FHIT: variants seen among roughly 807,000 people sequenced by gnomAD.
FHIT encodes the protein fragile histidine triad diadenosine triphosphatase.
In FHIT, 19 loss-of-function variants were observed where a neutral mutation model predicts 17.9. That is an observed-to-expected ratio of 1.06 (90% CI 0.74 to 1.56). The LOEUF (loss-of-function observed/expected upper bound fraction) is 1.56, where lower values mean the gene tolerates loss of function less well. Ranked by LOEUF, FHIT falls within the 40% of genes most tolerant of loss-of-function variation. The pLI is 0.00. For synonymous variants in FHIT, 81 were observed against 69.7 expected (o/e 1.16, Z -0.81); for missense variants, 248 against 189.2 (o/e 1.31, Z -1.82).
intron 8 of FHIT, among the ~76,000 whole-genome samples, chr3:59,861,597 G>T (rs770781158): frequency 6.6e-6 from 1 of 152,138 alleles, no homozygotes; most frequent in South Asian, 2.1e-4. Flanking sequence ...CACAGATAAG[G>T]TCTCTGCACT....
chr3:59,751,511 C>T, intron 9 of FHIT: 1 of 215,128 alleles, frequency 4.6e-6, no homozygotes, highest in Non-Finnish European at 9.4e-6. Context: ...CCAGATAGAT[C>T]TAGGCATGAG....
At chr3:60,269,862 T>G (rs213338) in intron 5 of FHIT, among the ~76,000 whole-genome samples, 145,121 of 152,268 alleles carry the variant, frequency 0.95, 69,179 homozygotes, top group East Asian at 1. Flanking sequence ...GCCATTTCGG[T>G]TCATAAAAAA....
intron 5 of FHIT, among the ~76,000 whole-genome samples, chr3:60,524,502 G>C (rs1039775699): frequency 6.6e-6 from 1 of 152,172 alleles, no homozygotes; most frequent in Non-Finnish European, 1.5e-5. Context: ...AAGGAATCTA[G>C]TGTGGTTGGA....
intron 5 of FHIT, among the ~76,000 whole-genome samples, chr3:60,268,067 C>T (rs904861345): frequency 5.9e-5 from 9 of 152,092 alleles, no homozygotes; most frequent in Non-Finnish European, 1.3e-4. Context: ...TAAATGCAAA[C>T]TGTGGATATC....
At chr3:60,291,388 T>C (rs752413816) in intron 5 of FHIT, among the ~76,000 whole-genome samples, 2 of 152,094 alleles carry the variant, frequency 1.3e-5, no homozygotes, top group African/African-American at 4.8e-5. Flanking sequence ...TAATCTTTTA[T>C]TATGCTGTCA....
intron 3 of FHIT, among the ~76,000 whole-genome samples, chr3:60,873,693 G>A (rs1704519022): frequency 6.6e-6 from 1 of 152,172 alleles, no homozygotes; most frequent in Admixed American, 6.5e-5. Flanking sequence ...TTAACTGGCT[G>A]ATAGCTGTAA....
chr3:61,018,768 T>A (rs909059789), intron 3 of FHIT, among the ~76,000 whole-genome samples: 3 of 152,250 alleles, frequency 2.0e-5, no homozygotes, highest in South Asian at 4.1e-4. Context: ...TCTGTTTTTT[T>A]AATTTTTGTT....
intron 5 of FHIT, among the ~76,000 whole-genome samples, chr3:60,343,277 G>A (rs949292408): frequency 6.6e-6 from 1 of 152,068 alleles, no homozygotes; most frequent in Non-Finnish European, 1.5e-5. Context: ...TGCAAGTGTA[G>A]GGAATGGGGG....
intron 5 of FHIT, among the ~76,000 whole-genome samples, chr3:60,248,464 C>G (rs1220449046): frequency 6.6e-6 from 1 of 152,042 alleles, no homozygotes; most frequent in African/African-American, 2.4e-5. Flanking sequence ...TGGAATGATT[C>G]TTGGCTTTAT....
At chr3:60,551,733 G>C (rs1471652463) in intron 4 of FHIT, among the ~76,000 whole-genome samples, 1 of 149,580 alleles carries the variant, frequency 6.7e-6, no homozygotes, top group Non-Finnish European at 1.5e-5. Context: ...ACTCTAGCCT[G>C]GGTGACATAG....
chr3:60,357,617 A>ATG (rs1699728635), intron 5 of FHIT, among the ~76,000 whole-genome samples: 1 of 152,172 alleles, frequency 6.6e-6, no homozygotes, highest in Non-Finnish European at 1.5e-5. Flanking sequence ...CTACTTAAGG[A>ATG]TCAATTGACA....
At chr3:60,450,987 G>C (rs915454158) in intron 5 of FHIT, among the ~76,000 whole-genome samples, 1 of 152,072 alleles carries the variant, frequency 6.6e-6, no homozygotes, top group Non-Finnish European at 1.5e-5. Flanking sequence ...CAATAGTTTA[G>C]AGTTAGAATA....
At chr3:61,199,862 C>A (rs1194478203) in intron 2 of FHIT, among the ~76,000 whole-genome samples, 1 of 152,104 alleles carries the variant, frequency 6.6e-6, no homozygotes, top group Non-Finnish European at 1.5e-5. Context: ...AACCGCAGCC[C>A]TATAATTGCC....
intron 5 of FHIT, among the ~76,000 whole-genome samples, chr3:60,457,538 A>G (rs2032181605): frequency 6.6e-6 from 1 of 152,170 alleles, no homozygotes; most frequent in African/African-American, 2.4e-5. Context: ...CTTCATGTCT[A>G]AAGCACCAAA....
At chr3:60,059,761 G>A (rs1450313680) in intron 5 of FHIT, among the ~76,000 whole-genome samples, 1 of 152,124 alleles carries the variant, frequency 6.6e-6, no homozygotes, top group Non-Finnish European at 1.5e-5. Flanking sequence ...TCATGAATGA[G>A]GGCTGCCTAG....
chr3:59,752,061 A>ACTCAAGGGCCAGGGTTTT (rs1700939642), intron 9 of FHIT, 160 bp downstream of exon 9: 1 of 540,666 alleles, frequency 1.8e-6, no homozygotes, highest in Admixed American at 3.5e-5. Context: ...GGAATACAGT[A>ACTCAAGGGCCAGGGTTTT]CTCAAGGGCC....
At chr3:60,295,110 G>A (rs1708149179) in intron 5 of FHIT, among the ~76,000 whole-genome samples, 1 of 152,058 alleles carries the variant, frequency 6.6e-6, no homozygotes, top group South Asian at 2.1e-4. Context: ...GAGTAGCCAG[G>A]TCAGTGGCAC....
chr3:60,126,250 T>C (rs1256551212), intron 5 of FHIT, among the ~76,000 whole-genome samples: 1 of 152,154 alleles, frequency 6.6e-6, no homozygotes, highest in Non-Finnish European at 1.5e-5. Flanking sequence ...TCTTTAAAAC[T>C]CCACTGCTTA....
chr3:59,787,533 A>C (rs1020958914), intron 8 of FHIT, among the ~76,000 whole-genome samples: 55 of 142,552 alleles, frequency 3.9e-4, no homozygotes, highest in African/African-American at 1.4e-3. Context: ...CACACACGTC[A>C]AAGGCTTCTC....
Sources: allele counts gnomAD v4.1 joint callset (sites outside exome capture counted in the v4.1 genomes callset), GRCh38; gene constraint gnomAD v4.1.1; transcripts MANE v1.5; gene names NCBI Gene and HGNC (gene_info 2026-07-23, HGNC 2026-07-21).